KLHDC8A: variants seen among roughly 807,000 people sequenced by gnomAD.
KLHDC8A encodes kelch domain-containing protein 8A.
Under a neutral mutation model 33.1 loss-of-function variants are expected in KLHDC8A, and 21 were observed. That is an observed-to-expected ratio of 0.64 (90% confidence interval 0.45 to 0.91). KLHDC8A has a LOEUF of 0.91. KLHDC8A is among the 40% of genes least tolerant of loss of function. The pLI is 0.00. For synonymous variants in KLHDC8A, 173 were observed against 193.5 expected (o/e 0.89, Z 0.88); for missense variants, 435 against 483.3 (o/e 0.90, Z 0.94).
In KLHDC8A at chr1:205,343,572, C is replaced by G; in HGVS notation, c.33G>C (p.Trp11Cys). 6.2e-7 allele frequency: 1 copy of G among 1,609,562 alleles called. No individual in the cohort carries two copies. Among genetic ancestry groups the G allele is most frequent in the East Asian group, 2.2e-5 (1 of 44,770 alleles). Residue 11 changes from tryptophan (W) to cysteine (C), a missense_variant, in exon 2 of 6, where the codon TGG (tryptophan) becomes TGC (cysteine). Transcript: ENST00000367155. ...GGCTGGGCAGTGGCGCCAGGCGCTTCCACTGGAAGTCCTTGACGTTAGGCA... is the reference window on the plus strand; with the variant it reads ...GGCTGGGCAGTGGCGCCAGGCGCTTGCACTGGAAGTCCTTGACGTTAGGCA... MEVPNVKDFQ[W>C]KRLAPLPSRR... is the part of the protein sequence containing the mutation.
intron 1 of KLHDC8A, among the ~76,000 whole-genome samples, chr1:205,349,086 T>G (rs2102295218): frequency 2.0e-5 from 3 of 152,200 alleles, no homozygotes; most frequent in Admixed American, 2.0e-4. Context: ...TAGGGCCTCC[T>G]CCCCACCAGT....
At chr1:205,350,385 A>C (rs1663064378) in intron 1 of KLHDC8A, among the ~76,000 whole-genome samples, 1 of 152,156 alleles carries the variant, frequency 6.6e-6, no homozygotes, top group Non-Finnish European at 1.5e-5. Context: ...CAGAGGATGC[A>C]AGAGCTCAGG....
At chr1:205,344,029 C>A (rs568877969) in intron 1 of KLHDC8A, 57 of 159,990 alleles carry the variant, frequency 3.6e-4, no homozygotes, top group Admixed American at 2.9e-3. Context: ...GGGTGCCGGG[C>A]AGTCCCCGGG....
chr1:205,354,982 T>C (rs1574918145), intron 1 of KLHDC8A, among the ~76,000 whole-genome samples: 1 of 152,216 alleles, frequency 6.6e-6, no homozygotes, highest in African/African-American at 2.4e-5. Flanking sequence ...GCTGATTTCA[T>C]AGGTGACAAA....
chr1:205,353,284 A>G (rs1663170158), intron 1 of KLHDC8A, among the ~76,000 whole-genome samples: 1 of 152,220 alleles, frequency 6.6e-6, no homozygotes, highest in African/African-American at 2.4e-5. Flanking sequence ...CATGAAAGTG[A>G]TATGAAATTC....
Position 205,339,503 on chromosome 1 carries a change from C to T in KLHDC8A, c.542-94G>A. The T allele has an allele frequency of 2.1e-6, 3 of 1,430,534 alleles. No individual in the cohort carries two copies. The highest frequency in any genetic ancestry group is 2.9e-6 in the Non-Finnish European group (3 of 1,033,796). The allele number at this position is 1,430,534 out of a possible 1,614,324, so 88.6% of individuals were successfully genotyped here. On this transcript the variant is annotated intron_variant, in intron 3 of 5. Coordinates refer to ENST00000367155, the MANE Select transcript of KLHDC8A (RefSeq NM_018203.3). The surrounding 1 kb of genome is among the most constrained non-coding windows in gnomAD (Gnocchi z 5.1). ...TTTCCCCTTTTGACAGTTACTCATT[C>T]ATACAGGAAGCTCCCGGTGGGCTGG...
chr1:205,350,811 A>ATGTGTGTGTGTGCATGCG (rs150895653), intron 1 of KLHDC8A, among the ~76,000 whole-genome samples: 85,149 of 150,786 alleles, frequency 0.56, 24,413 homozygotes, highest in South Asian at 0.71. Flanking sequence ...CTGTGTGTGC[A>ATGTGTGTGTGTGCATGCG]TGTGTGTGTG....
At position 205,343,235 on chromosome 1, in the gene KLHDC8A, C is replaced by A; in HGVS notation, c.370G>T (p.Ala124Ser). Residue 124 changes from alanine to serine, a missense_variant, in exon 2 of 6, where the codon GCC (alanine) becomes TCC (serine). Transcript: ENST00000367155. ...REAAMGISVT[A>S]KDYRVYAAGG... is the part of the protein sequence containing the mutation. ...CAGCCCTGGCCCCACTTGCCTTTGGCCGTGACAGAAATGCCCATGGCGGCC... is the reference window on the plus strand; with the variant it reads ...CAGCCCTGGCCCCACTTGCCTTTGGACGTGACAGAAATGCCCATGGCGGCC... 1 of 1,585,872 alleles carries A rather than the reference C, an allele frequency of 6.3e-7. No homozygotes were observed. The highest frequency in any genetic ancestry group is 8.6e-7 in the Non-Finnish European group (1 of 1,161,098).
At position 205,339,954 on chromosome 1, in the gene KLHDC8A, T is replaced by C; in HGVS notation, c.377-146A>G. ...GTCATATCTGTATCAGTGTGGTTGA[T>C]AGCACCATTCAAAGAAGTTCCTGCT... On this transcript the variant is annotated intron_variant, in intron 2 of 5. Transcript: ENST00000367155. The surrounding 1 kb of genome is among the most constrained non-coding windows in gnomAD (Gnocchi z 5.1). The C allele has an allele frequency of 3.5e-6, 2 of 576,636 alleles. No homozygotes were observed. Among genetic ancestry groups the C allele is most frequent in the South Asian group, 3.3e-5 (1 of 30,584 alleles). The allele number at this position is 576,636 out of a possible 1,614,324, so 35.7% of individuals were successfully genotyped here. A position where few individuals can be genotyped will look rare whatever the true frequency, so the allele number is the denominator to read the frequency against.
At chr1:205,355,000 C>A (rs1663226505) in intron 1 of KLHDC8A, among the ~76,000 whole-genome samples, 1 of 152,202 alleles carries the variant, frequency 6.6e-6, no homozygotes. Context: ...AAAACAAACT[C>A]AGAGAGGTGA....
chr1:205,344,519 G>T (rs4951199), intron 1 of KLHDC8A: 144,102 of 152,534 alleles, frequency 0.94, 68,320 homozygotes, highest in East Asian at 1. Context: ...GGGCACAGAC[G>T]CCCTCCGGTG....
chr1:205,353,147 C>G (rs1483914434), intron 1 of KLHDC8A, among the ~76,000 whole-genome samples: 2 of 152,180 alleles, frequency 1.3e-5, no homozygotes. Flanking sequence ...GTGCAGGGGT[C>G]AGCAAGCTAT....
At chr1:205,352,370 T>G (rs567616448) in intron 1 of KLHDC8A, among the ~76,000 whole-genome samples, 32 of 151,756 alleles carry the variant, frequency 2.1e-4, no homozygotes, top group African/African-American at 7.0e-4. Flanking sequence ...CTCTGGCACT[T>G]TACATTACAC....
intron 1 of KLHDC8A, among the ~76,000 whole-genome samples, 152 bp downstream of exon 1, chr1:205,356,381 G>T (rs1213211112): frequency 6.6e-6 from 1 of 151,988 alleles, no homozygotes; most frequent in Non-Finnish European, 1.5e-5. Flanking sequence ...AGGAGAAAAG[G>T]CCCTTGGAGA....
chr1:205,346,804 C>T (rs760228828), intron 1 of KLHDC8A, among the ~76,000 whole-genome samples: 1 of 152,184 alleles, frequency 6.6e-6, no homozygotes, highest in Non-Finnish European at 1.5e-5. Context: ...GTCCACTCTC[C>T]ACCTGGCTTC....
In KLHDC8A at chr1:205,337,426, C is replaced by T. The variant is rs1480240995; in HGVS notation, c.1026G>A (p.Val342=). ...GGVNQGLSDA[V]EALCVSDS ...AGGAGTCAGAGACACACAGGGCCTC[C>T]ACTGCGTCACTCAGACCCTGGTTGA... Residue 342 remains valine, a synonymous_variant, in exon 6 of 6, where the codon GTG becomes GTA. Coordinates refer to ENST00000367155, the MANE Select transcript of KLHDC8A (RefSeq NM_018203.3). The T allele has an allele frequency of 2.5e-6, 4 of 1,613,464 alleles. No individual in the cohort carries two copies. The highest frequency in any genetic ancestry group is 3.4e-6 in the Non-Finnish European group (4 of 1,179,958).
rs772077565 is a variant in KLHDC8A at position 205,337,518 on chromosome 1, T to C, written c.934A>G (p.Met312Val). ...GKNKWEILPA[M>V]PTPRCACSSI... ...GAGCAGGCACAGCGGGGTGTGGGCA[T>C]GGCAGGGAGGATCTCCCATTTGTTC... Residue 312 changes from methionine to valine, a missense_variant, in exon 6 of 6, where the codon ATG becomes GTG. By Grantham distance (21) the Met-to-Val change is conservative (BLOSUM62 1). Coordinates refer to ENST00000367155, the MANE Select transcript of KLHDC8A (RefSeq NM_018203.3). 3 of 1,614,010 alleles carry C rather than the reference T, an allele frequency of 1.9e-6. No individual in the cohort carries two copies. The highest frequency in any genetic ancestry group is 1.1e-5 in the South Asian group (1 of 91,074).
At chr1:205,351,559 A>G (rs900481967) in intron 1 of KLHDC8A, 102 of 588,136 alleles carry the variant, frequency 1.7e-4, no homozygotes, top group Middle Eastern at 1.0e-3. Flanking sequence ...GGTCATGTAC[A>G]TTTTCATATT....
In KLHDC8A at chr1:205,343,346, C is replaced by G; in HGVS notation, c.259G>C (p.Val87Leu). The change falls in exon 2 of 6, where the codon GTG (valine) becomes CTG (leucine). Residue 87 changes from valine (V) to leucine (L), a missense_variant. Coordinates refer to ENST00000367155, the MANE Select transcript of KLHDC8A (RefSeq NM_018203.3). ...LGKRIMVIGG[V>L]GTNQLPLKVV... is the part of the protein sequence containing the mutation. ...TTCAGGGGCAGCTGATTGGTGCCCACGCCCCCAATCACCATGATCCGCTTC... is the reference window on the plus strand; with the variant it reads ...TTCAGGGGCAGCTGATTGGTGCCCAGGCCCCCAATCACCATGATCCGCTTC... The G allele has an allele frequency of 6.2e-7, 1 of 1,613,776 alleles. No homozygotes were observed. Among genetic ancestry groups the G allele is most frequent in the South Asian group, 1.1e-5 (1 of 91,084 alleles).
Sources: allele counts gnomAD v4.1 joint callset (sites outside exome capture counted in the v4.1 genomes callset), GRCh38; gene constraint gnomAD v4.1.1; non-coding constraint Gnocchi (gnomAD v3.1); transcripts MANE v1.5; gene names NCBI Gene and HGNC (gene_info 2026-07-23, HGNC 2026-07-21).